CELF4: variants seen among roughly 807,000 people sequenced by gnomAD.
The protein encoded by CELF4 is CUGBP Elav-like family member 4.
CELF4 carries 18 observed loss-of-function variants against 59.9 expected under a neutral mutation model. The observed-to-expected ratio is 0.30, with a 90% confidence interval of 0.21 to 0.45. The LOEUF (loss-of-function observed/expected upper bound fraction) is 0.45. Ranked by LOEUF, CELF4 falls within the 20% of genes least tolerant of loss-of-function variation. The pLI, the probability that CELF4 is intolerant of heterozygous loss-of-function variation, is 1.00. For missense variants in CELF4, 456 were observed against 689.0 expected (o/e 0.66, Z 3.79); for synonymous variants, 261 against 267.1 (o/e 0.98, Z 0.22).
intron 1 of CELF4, among the ~76,000 whole-genome samples, chr18:37,558,805 T>TTGTG (rs2099985679): frequency 1.6e-5 from 2 of 127,778 alleles, no homozygotes; most frequent in Non-Finnish European, 3.4e-5. Flanking sequence ...AGCTGTCAGG[T>TTGTG]CGTGTGTGTG....
chr18:37,252,465 T>G (rs2066076129), intron 12 of CELF4, among the ~76,000 whole-genome samples: 1 of 151,634 alleles, frequency 6.6e-6, no homozygotes, highest in South Asian at 2.1e-4. Flanking sequence ...GCTCTCTCCA[T>G]CTCCCATTTC....
At chr18:37,393,614 G>A (rs2154578592) in intron 2 of CELF4, among the ~76,000 whole-genome samples, 1 of 152,350 alleles carries the variant, frequency 6.6e-6, no homozygotes, top group African/African-American at 2.4e-5. Flanking sequence ...GTCCCACAGA[G>A]GCATGTGGTG....
Position 37,248,587 on chromosome 18 carries a change from A to G in CELF4, c.*45-3390T>C, listed in dbSNP as rs1599925576. On this transcript the variant is annotated intron_variant, in intron 12 of 12. Transcript: ENST00000420428. ...CTCTTTTCCCACCCTCTCACCCCAT[A>G]CCCCTCCAGGAACAGCTTTCCAGCC... Among the ~76,000 whole-genome samples, 3 of 146,914 alleles carry G rather than the reference A, an allele frequency of 2.0e-5. No homozygotes were observed. The South Asian group carries it at 6.8e-4, about 33-fold the overall frequency.
chr18:37,477,626 T>C (rs1217017821), intron 2 of CELF4, among the ~76,000 whole-genome samples: 1 of 152,180 alleles, frequency 6.6e-6, no homozygotes, highest in Non-Finnish European at 1.5e-5. Context: ...TCCTGCCATC[T>C]CTCTCATCTG....
intron 1 of CELF4, among the ~76,000 whole-genome samples, chr18:37,527,265 G>A (rs867186442): frequency 1.3e-5 from 2 of 151,802 alleles, no homozygotes; most frequent in Non-Finnish European, 1.5e-5. Context: ...GACCTGAGAA[G>A]TGCTGGCCGT....
At chr18:37,412,283 GA>G (rs2099471751) in intron 2 of CELF4, among the ~76,000 whole-genome samples, 1 of 152,208 alleles carries the variant, frequency 6.6e-6, no homozygotes. Context: ...GGTGCTGTCT[GA>G]GGATACAGAG....
chr18:37,448,513 T>C (rs1277650223), intron 2 of CELF4, among the ~76,000 whole-genome samples: 1 of 152,230 alleles, frequency 6.6e-6, no homozygotes, highest in Non-Finnish European at 1.5e-5. Context: ...CGGCAGGGCA[T>C]GTCCAGCTCT....
At chr18:37,440,161 T>A (rs2099707878) in intron 2 of CELF4, among the ~76,000 whole-genome samples, 1 of 152,200 alleles carries the variant, frequency 6.6e-6, no homozygotes. Flanking sequence ...CATTAAATGT[T>A]ACATTAGACC....
chr18:37,455,887 G>A (rs375684539), intron 2 of CELF4, among the ~76,000 whole-genome samples: 5 of 152,276 alleles, frequency 3.3e-5, no homozygotes, highest in South Asian at 2.1e-4. Context: ...CTAGAATCTC[G>A]CAACCTCCTT....
At chr18:37,490,831 A>G (rs1289198365) in intron 1 of CELF4, among the ~76,000 whole-genome samples, 1 of 152,122 alleles carries the variant, frequency 6.6e-6, no homozygotes, top group Non-Finnish European at 1.5e-5. Flanking sequence ...TGGGTGGTCT[A>G]GGACCTCACC....
At chr18:37,530,079 G>A (rs562615360) in intron 1 of CELF4, among the ~76,000 whole-genome samples, 4 of 152,264 alleles carry the variant, frequency 2.6e-5, no homozygotes, top group East Asian at 3.9e-4. Flanking sequence ...CACTACCCAC[G>A]CCATCCTGCA....
intron 2 of CELF4, among the ~76,000 whole-genome samples, chr18:37,361,158 G>C (rs578145633): frequency 6.7e-4 from 102 of 152,278 alleles, no homozygotes; most frequent in Admixed American, 1.0e-3. Flanking sequence ...GGTACTTTAG[G>C]GTTTCCACAA....
At chr18:37,476,487 C>T (rs2099849472) in intron 2 of CELF4, among the ~76,000 whole-genome samples, 1 of 152,192 alleles carries the variant, frequency 6.6e-6, no homozygotes, top group Non-Finnish European at 1.5e-5. Flanking sequence ...CCTTATCTCC[C>T]CTGCACTCCA....
intron 3 of CELF4, among the ~76,000 whole-genome samples, chr18:37,314,417 T>G (rs1268043942): frequency 6.6e-6 from 1 of 152,084 alleles, no homozygotes; most frequent in Non-Finnish European, 1.5e-5. Flanking sequence ...ATAGCACCAC[T>G]GCGCTCCAGC....
intron 2 of CELF4, among the ~76,000 whole-genome samples, chr18:37,387,399 A>G (rs186475719): frequency 3.3e-5 from 5 of 152,338 alleles, no homozygotes; most frequent in African/African-American, 7.2e-5. Flanking sequence ...CTGGATACCC[A>G]GAACCACACG....
At chr18:37,448,657 G>A (rs1017307857) in intron 2 of CELF4, among the ~76,000 whole-genome samples, 3 of 152,202 alleles carry the variant, frequency 2.0e-5, no homozygotes, top group African/African-American at 2.4e-5. Context: ...TGCTCTGACC[G>A]CCTTCAAGGG....
At chr18:37,430,428 A>G (rs2099641480) in intron 2 of CELF4, among the ~76,000 whole-genome samples, 1 of 152,232 alleles carries the variant, frequency 6.6e-6, no homozygotes. Flanking sequence ...ATACTGTAAT[A>G]GCATTGCAGT....
At chr18:37,401,943 C>T (rs2099330285) in intron 2 of CELF4, among the ~76,000 whole-genome samples, 1 of 152,228 alleles carries the variant, frequency 6.6e-6, no homozygotes, top group South Asian at 2.1e-4. Flanking sequence ...CCTGCCTATT[C>T]AGGTGCATCA....
chr18:37,465,148 G>C (rs1232390884), intron 2 of CELF4, among the ~76,000 whole-genome samples: 1 of 152,164 alleles, frequency 6.6e-6, no homozygotes, highest in Non-Finnish European at 1.5e-5. Flanking sequence ...AAAGCTCTTT[G>C]CATGGAGGCC....
Sources: gnomAD v4.1 joint callset for allele counts (sites outside exome capture counted in the v4.1 genomes callset) on GRCh38, gnomAD v4.1.1 for gene constraint, MANE v1.5 for transcripts, NCBI Gene and HGNC (gene_info 2026-07-23, HGNC 2026-07-21) for gene names.